The following SDHA variants were observed in gnomAD, a reference collection of about 807,000 sequenced individuals.
The protein encoded by SDHA is succinate dehydrogenase [ubiquinone] flavoprotein subunit, mitochondrial.
Under a neutral mutation model 78.4 loss-of-function variants are expected in SDHA, and 48 were observed. The observed-to-expected ratio is 0.61, with a 90% confidence interval of 0.49 to 0.78. The LOEUF (loss-of-function observed/expected upper bound fraction) is 0.78. Ranked by LOEUF, SDHA falls within the 30% of genes least tolerant of loss-of-function variation. SDHA has a pLI of 0.00. For synonymous variants in SDHA, 326 were observed against 353.9 expected (o/e 0.92, Z 0.88); for missense variants, 680 against 892.7 (o/e 0.76, Z 3.04).
At chr5:252,463 TAAC>T (rs1475124369) in intron 13 of SDHA, among the ~76,000 whole-genome samples, 1 of 134,622 alleles carries the variant, frequency 7.4e-6, no homozygotes, top group Non-Finnish European at 1.6e-5. Flanking sequence ...GTTTATTAAA[TAAC>T]GAGTAAGCCA....
intron 11 of SDHA, among the ~76,000 whole-genome samples, chr5:247,967 G>A (rs1736571248): frequency 6.6e-6 from 1 of 151,002 alleles, no homozygotes; most frequent in Non-Finnish European, 1.5e-5. Flanking sequence ...GGGACTACGG[G>A]ACACCCCATA....
chr5:267,598 A>G, the SDHA span, among the ~76,000 whole-genome samples: 2 of 152,254 alleles, frequency 1.3e-5, no homozygotes, highest in Non-Finnish European at 2.9e-5. Flanking sequence ...AGTGCCCAGA[A>G]ACATTTAGAA....
chr5:264,428 G>A, the SDHA span, among the ~76,000 whole-genome samples: 52 of 152,334 alleles, frequency 3.4e-4, no homozygotes, highest in South Asian at 7.7e-3. Context: ...TCTGGGAGCC[G>A]GATCCCACGT....
intron 10 of SDHA, among the ~76,000 whole-genome samples, chr5:239,248 C>G (rs1461420940): frequency 1.3e-5 from 2 of 151,682 alleles, no homozygotes; most frequent in Admixed American, 6.6e-5. Context: ...AAACTTTTTT[C>G]AAGACATCGT....
At position 230,957 on chromosome 5, in the gene SDHA, C is replaced by G. The variant is rs552108762; in HGVS notation, c.852C>G (p.Gly284=). ...GDGTAMITRA[G]LPCQDLEFVQ... is the part of the protein sequence containing the mutation. ...GCACGGCCATGATCACCAGGGCAGG[C>G]CTTCCTTGCCAGGACCTAGAGTTTG... The change falls in exon 7 of 15, where the codon GGC becomes GGG. Residue 284 remains glycine, a synonymous_variant. Transcript: ENST00000264932. The G allele has an allele frequency of 6.8e-6, 11 of 1,613,890 alleles. No homozygotes were observed. In the South Asian group the frequency reaches 8.8e-5, roughly 13 times the overall value.
At chr5:267,697 A>C in the SDHA span, among the ~76,000 whole-genome samples, 1 of 152,252 alleles carries the variant, frequency 6.6e-6, no homozygotes, top group African/African-American at 2.4e-5. Context: ...TGGATACATT[A>C]TGTGATGAAC....
intron 11 of SDHA, chr5:250,526 C>T (rs1432213975): frequency 6.3e-5 from 16 of 252,322 alleles, no homozygotes; most frequent in Admixed American, 2.6e-4. Flanking sequence ...TCCTTGAAGA[C>T]GTGCAGCTCC....
intron 9 of SDHA, 112 bp downstream of exon 9, chr5:235,451 A>C: frequency 9.3e-7 from 1 of 1,070,448 alleles, no homozygotes; most frequent in Non-Finnish European, 1.4e-6. Context: ...TCCTTCAAGA[A>C]AGTACTGTAT....
chr5:249,333 A>G (rs73018808), intron 11 of SDHA: 2 of 229,550 alleles, frequency 8.7e-6, no homozygotes, highest in African/African-American at 4.8e-5. Flanking sequence ...CACGTTGGGA[A>G]CAGGCCCCCC....
chr5:230,415 T>C (rs545013278), intron 6 of SDHA, among the ~76,000 whole-genome samples: 59 of 152,146 alleles, frequency 3.9e-4, no homozygotes, highest in Middle Eastern at 3.4e-3. Context: ...TCACTTGAGG[T>C]CAGGAGTTCG....
At chr5:234,246 C>T (rs1310050253) in intron 8 of SDHA, 30 of 156,924 alleles carry the variant, frequency 1.9e-4, no homozygotes, top group Non-Finnish European at 3.5e-4. Flanking sequence ...GGTGAAACCC[C>T]GTCTCTACTA....
At chr5:245,310 G>T (rs1238363481) in intron 11 of SDHA, among the ~76,000 whole-genome samples, 2 of 152,142 alleles carry the variant, frequency 1.3e-5, no homozygotes, top group Non-Finnish European at 2.9e-5. Flanking sequence ...CAAAAAATTG[G>T]CCTTTAATAG....
rs1190622143 is a variant in SDHA, at chr5:225,890, AT to A, written c.466del (p.Tyr156MetfsTer70). 6.2e-7 allele frequency: 1 copy of A among 1,612,704 alleles called. No homozygotes were observed. The highest frequency in any genetic ancestry group is 8.5e-7 in the Non-Finnish European group (1 of 1,179,926). On this transcript the variant is annotated frameshift_variant, in exon 5 of 15. Coordinates refer to ENST00000264932, the MANE Select transcript of SDHA (RefSeq NM_004168.4). LOFTEE classifies it high-confidence loss of function. ...TGTTTTTATCTTTCACAGCTAGAAAATTATGGCATGCCGTTTAGCAGAACTG... is the reference window on the plus strand; with the variant it reads ...TGTTTTTATCTTTCACAGCTAGAAAATATGGCATGCCGTTTAGCAGAACTG... ...QAPAAVVELE[N>X]YGMPFSRTED...
At chr5:232,141 C>T (rs1290436644) in intron 7 of SDHA, among the ~76,000 whole-genome samples, 3 of 152,122 alleles carry the variant, frequency 2.0e-5, no homozygotes, top group Admixed American at 2.0e-4. Flanking sequence ...TGTGTCTTCT[C>T]TTTCTCTGTC....
At chr5:233,874 T>C in intron 8 of SDHA, 2 of 513,734 alleles carry the variant, frequency 3.9e-6, no homozygotes, top group Non-Finnish European at 7.1e-6. Context: ...TTTCTCTTAG[T>C]GTGTGTGAGT....
chr5:239,349 G>C (rs10076655), intron 10 of SDHA, among the ~76,000 whole-genome samples: 36,272 of 151,984 alleles, frequency 0.24, 6,620 homozygotes, highest in African/African-American at 0.52. Flanking sequence ...GCTCACCTGA[G>C]GTCAGGAGTT....
rs7710005 is a variant in SDHA at position 233,457 on chromosome 5, A to G, written c.896-20A>G. The G allele has an allele frequency of 0.15, 235,145 of 1,610,802 alleles. 23,963 individuals are homozygous for G. The highest frequency in any genetic ancestry group is 0.53 in the African/African-American group (39,622 of 74,792). On this transcript the variant is annotated intron_variant, in intron 7 of 14. Transcript: ENST00000264932. ...AGATCTAGCAATTGTTAGGTAATAA[A>G]TATGTGTGGTTTTTTGCAGGCATAT...
At chr5:257,828 C>G (rs1200500101), downstream of SDHA, among the ~76,000 whole-genome samples, 3 of 57,122 alleles carry the variant, frequency 5.3e-5, no homozygotes, top group African/African-American at 1.8e-4. Context: ...GTGAGCTCCA[C>G]CCCCTGCCAG....
chr5:219,436 A>G (rs1367707563), intron 1 of SDHA, among the ~76,000 whole-genome samples: 2 of 152,266 alleles, frequency 1.3e-5, no homozygotes, highest in Non-Finnish European at 2.9e-5. Flanking sequence ...ATTGCAGAAT[A>G]AAAATCTCAA....
Sources: allele counts gnomAD v4.1 joint callset (sites outside exome capture counted in the v4.1 genomes callset), GRCh38; gene constraint gnomAD v4.1.1; transcripts MANE v1.5; gene names NCBI Gene and HGNC (gene_info 2026-07-23, HGNC 2026-07-21).